PHF20L1: variants seen among roughly 807,000 people sequenced by gnomAD.
The protein encoded by PHF20L1 is PHD finger protein 20-like protein 1.
PHF20L1 carries 44 observed loss-of-function variants against 125.5 expected under a neutral mutation model. The ratio of observed to expected loss-of-function variants is 0.35; its 90% confidence interval spans 0.28 to 0.45. The LOEUF (loss-of-function observed/expected upper bound fraction) is 0.45. PHF20L1 is among the 20% of genes least tolerant of loss of function. The pLI, the probability that PHF20L1 is intolerant of heterozygous loss-of-function variation, is 1.00. For synonymous variants in PHF20L1, 380 were observed against 403.1 expected, an observed-to-expected ratio of 0.94 and a Z score of 0.69; for missense variants, 1,012 against 1,217.2, an observed-to-expected ratio of 0.83 and a Z score of 2.51.
intron 9 of PHF20L1, 31 bp downstream of exon 9, chr8:132,811,159 A>G (rs1372005212): frequency 1.2e-6 from 2 of 1,611,250 alleles, no homozygotes; most frequent in Admixed American, 1.7e-5. Context: ...ATTTTTTTCA[A>G]GGTTCCCACT....
intron 5 of PHF20L1, 30 bp from the exon 6 acceptor site, chr8:132,799,065 A>AT: frequency 6.3e-7 from 1 of 1,584,122 alleles, no homozygotes; most frequent in Non-Finnish European, 8.6e-7. Context: ...TAGACCTGCT[A>AT]AAGTTATAGG....
At chr8:132,829,859 T>G (rs1422220632) in intron 14 of PHF20L1, among the ~76,000 whole-genome samples, 1 of 152,060 alleles carries the variant, frequency 6.6e-6, no homozygotes, top group Non-Finnish European at 1.5e-5. Context: ...CATTAGATGC[T>G]TGTGAGGATT....
At chr8:132,779,147 C>G (rs189767683) in intron 2 of PHF20L1, among the ~76,000 whole-genome samples, 112 of 152,232 alleles carry the variant, frequency 7.4e-4, no homozygotes, top group African/African-American at 2.6e-3. Flanking sequence ...CAGTTTGAAG[C>G]TACAATTTGA....
intron 14 of PHF20L1, among the ~76,000 whole-genome samples, chr8:132,830,293 C>G (rs1181287262): frequency 6.6e-6 from 1 of 152,010 alleles, no homozygotes; most frequent in African/African-American, 2.4e-5. Context: ...AGGACCCTTG[C>G]CATTACATTG....
intron 18 of PHF20L1, 54 bp downstream of exon 18, chr8:132,839,636 A>G (rs1011885870): frequency 1.2e-5 from 15 of 1,278,254 alleles, no homozygotes; most frequent in Middle Eastern, 1.9e-4. Context: ...TTTTAATTCA[A>G]ACCAACACTG....
chr8:132,836,765 A>G, intron 16 of PHF20L1, 44 bp downstream of exon 16: 1 of 1,410,518 alleles, frequency 7.1e-7, no homozygotes, highest in Non-Finnish European at 9.9e-7. Flanking sequence ...TAGTTGTTTC[A>G]GGTGCTCAGC....
chr8:132,836,429 C>G (rs1391899512), intron 15 of PHF20L1, 111 bp from the exon 16 acceptor site: 1 of 694,212 alleles, frequency 1.4e-6, no homozygotes, highest in African/African-American at 1.8e-5. Flanking sequence ...TTTGCTCCCC[C>G]TTTTTAAAAT....
At position 132,825,385 on chromosome 8, in the gene PHF20L1, G is replaced by A; in HGVS notation, c.1744+14G>A. 1.4e-6 allele frequency: 2 copies of A among 1,473,532 alleles called. No homozygotes were observed. Among genetic ancestry groups the A allele is most frequent in the Non-Finnish European group, 1.8e-6 (2 of 1,108,652 alleles). 91.3% of individuals were successfully genotyped at this position (1,473,532 alleles called of 1,614,324 possible). Reference sequence around the variant, plus strand: ...CTAAGCAACATGGTAAGTACACTGAGATGATTATTCCCTCTTTTTTTAAAA... The same window carrying A: ...CTAAGCAACATGGTAAGTACACTGAAATGATTATTCCCTCTTTTTTTAAAA... On this transcript the variant is annotated intron_variant, in intron 14 of 20. Transcript: ENST00000395386.
At chr8:132,783,220 T>A (rs1251692145) in intron 2 of PHF20L1, among the ~76,000 whole-genome samples, 2 of 152,108 alleles carry the variant, frequency 1.3e-5, no homozygotes, top group African/African-American at 2.4e-5. Context: ...CTTCTAAATC[T>A]AAAGAAAAGG....
At chr8:132,820,190 A>G (rs1835428586) in intron 12 of PHF20L1, among the ~76,000 whole-genome samples, 1 of 151,758 alleles carries the variant, frequency 6.6e-6, no homozygotes, top group Admixed American at 6.6e-5. Flanking sequence ...CTTTGTTTTT[A>G]TTTTACTATC....
chr8:132,795,455 G>A (rs530476656), intron 4 of PHF20L1, among the ~76,000 whole-genome samples: 3 of 152,160 alleles, frequency 2.0e-5, no homozygotes, highest in African/African-American at 7.2e-5. Flanking sequence ...AAATCTATTG[G>A]ACAGATCATT....
intron 6 of PHF20L1, among the ~76,000 whole-genome samples, chr8:132,800,185 A>G (rs1437312396): frequency 1.3e-5 from 2 of 151,698 alleles, no homozygotes; most frequent in East Asian, 1.9e-4. Flanking sequence ...GTAAAATTAC[A>G]GCTTGTAAAA....
chr8:132,841,142 CT>C (rs1837890073), intron 18 of PHF20L1, among the ~76,000 whole-genome samples: 1 of 151,984 alleles, frequency 6.6e-6, no homozygotes, highest in African/African-American at 2.4e-5. Context: ...GTTTCATATA[CT>C]TATAGGCCCT....
chr8:132,786,105 C>G (rs1291278282), intron 2 of PHF20L1, among the ~76,000 whole-genome samples: 1 of 151,996 alleles, frequency 6.6e-6, no homozygotes, highest in Non-Finnish European at 1.5e-5. Flanking sequence ...ATTTGTTAAC[C>G]TAGATTAGCA....
At chr8:132,786,118 T>C (rs1366075531) in intron 2 of PHF20L1, among the ~76,000 whole-genome samples, 1 of 152,154 alleles carries the variant, frequency 6.6e-6, no homozygotes, top group Non-Finnish European at 1.5e-5. Context: ...GATTAGCAAA[T>C]GTAATTTATT....
At chr8:132,845,388 A>C (rs1375664652) in intron 20 of PHF20L1, among the ~76,000 whole-genome samples, 3 of 152,068 alleles carry the variant, frequency 2.0e-5, no homozygotes, top group African/African-American at 7.2e-5. Context: ...ACGAGTCTAA[A>C]TTAATAGAAA....
In PHF20L1 at chr8:132,848,371, AAG is replaced by A. The variant is rs1166718806; in HGVS notation, c.*2453_*2454del. 1 of 152,540 alleles carries A rather than the reference AAG, an allele frequency of 6.6e-6. No individual in the cohort carries two copies. Among genetic ancestry groups the A allele is most frequent in the Non-Finnish European group, 1.5e-5 (1 of 67,966 alleles). 9.4% of individuals were successfully genotyped at this position (152,540 alleles called of 1,614,324 possible). On this transcript the variant is annotated 3_prime_UTR_variant, in exon 21 of 21. Transcript: ENST00000395386. ...GTAGTGCGCTGAGCTTTTCTTATTG[AAG>A]AGAGTGAATTAGTTTCTGAGAAGTC...
intron 10 of PHF20L1, 77 bp downstream of exon 10, chr8:132,814,966 ATTT>A: frequency 2.6e-6 from 3 of 1,166,230 alleles, no homozygotes; most frequent in Non-Finnish European, 3.6e-6. Flanking sequence ...GTTATATTGT[ATTT>A]TTATGAAGTT....
intron 4 of PHF20L1, among the ~76,000 whole-genome samples, chr8:132,797,438 G>C (rs1157934562): frequency 2.6e-5 from 4 of 151,918 alleles, no homozygotes; most frequent in Admixed American, 2.6e-4. Flanking sequence ...ATAGACACAG[G>C]GAAAGGAGAA....
Sources: allele counts gnomAD v4.1 joint callset (sites outside exome capture counted in the v4.1 genomes callset), GRCh38; gene constraint gnomAD v4.1.1; transcripts MANE v1.5; gene names NCBI Gene and HGNC (gene_info 2026-07-23, HGNC 2026-07-21).